ZNF510: variants seen among roughly 807,000 people sequenced by gnomAD.
ZNF510 encodes zinc finger protein 510.
ZNF510 carries 15 observed loss-of-function variants against 18.1 expected under a neutral mutation model. That is an observed-to-expected ratio of 0.83 (90% CI 0.55 to 1.28). The LOEUF is 1.28. Among genes scored for constraint, ZNF510 ranks in the 50% most tolerant of loss-of-function variants. The pLI, the probability that ZNF510 is intolerant of heterozygous loss-of-function variation, is 0.00. For synonymous variants in ZNF510, 261 were observed against 266.4 expected, an observed-to-expected ratio of 0.98 and a Z score of 0.20; for missense variants, 724 against 791.8, an observed-to-expected ratio of 0.91 and a Z score of 1.03.
In ZNF510 at chr9:96,756,824, A is replaced by G. The variant is rs1849204915; in HGVS notation, c.*1954T>C. The G allele has an allele frequency of 6.6e-6, 1 of 152,224 alleles. No homozygotes were observed. Among genetic ancestry groups the G allele is most frequent in the Non-Finnish European group, 1.5e-5 (1 of 68,072 alleles). The allele number at this position is 152,224 out of a possible 1,614,324, so 9.4% of individuals were successfully genotyped here. A position where few individuals can be genotyped will look rare whatever the true frequency, so the allele number is the denominator to read the frequency against. ...TTCAACCCACAAAATCACCAGTCAC[A>G]GAGAGAGACTTGAAGCCCAAAATGA... On this transcript the variant is annotated 3_prime_UTR_variant, in exon 6 of 6. Coordinates refer to ENST00000223428, the MANE Select transcript of ZNF510 (RefSeq NM_014930.3).
In ZNF510 at chr9:96,760,341, A is replaced by G. The variant is rs754423272; in HGVS notation, c.489T>C (p.His163=). ...EKVLGKPFTL[H]VAAVASTKMS... ...TTTTTGTTGAAGCAACAGCAGCTACATGCAGAGTAAATGGTTTCCCCAAAA... is the reference window on the plus strand; with the variant it reads ...TTTTTGTTGAAGCAACAGCAGCTACGTGCAGAGTAAATGGTTTCCCCAAAA... Residue 163 remains histidine, a synonymous_variant, in exon 6 of 6, where the codon CAT becomes CAC. Transcript: ENST00000223428. The G allele has an allele frequency of 1.2e-6, 2 of 1,613,914 alleles. No individual in the cohort carries two copies. Among genetic ancestry groups the G allele is most frequent in the Non-Finnish European group, 1.7e-6 (2 of 1,179,880 alleles).
intron 4 of ZNF510, 32 bp downstream of exon 4, chr9:96,763,474 G>A (rs1228658442): frequency 1.3e-6 from 2 of 1,575,198 alleles, no homozygotes; most frequent in South Asian, 1.2e-5. Context: ...TCTATATGGA[G>A]TTACAAGGGT....
In ZNF510 at chr9:96,758,548, A is replaced by T; in HGVS notation, c.*230T>A. 2.0e-6 allele frequency: 1 copy of T among 500,978 alleles called. No homozygotes were observed. Among genetic ancestry groups the T allele is most frequent in the African/African-American group, 1.9e-5 (1 of 51,954 alleles). 31.0% of individuals were successfully genotyped at this position (500,978 alleles called of 1,614,324 possible). ...TCAGGCCTATCCATAGTACTCTGAA[A>T]ACAGAAGCCTGTCTGAATTCTTTGA... On this transcript the variant is annotated 3_prime_UTR_variant, in exon 6 of 6. Coordinates refer to ENST00000223428, the MANE Select transcript of ZNF510 (RefSeq NM_014930.3).
chr9:96,764,842 C>T (rs573259106), intron 3 of ZNF510, among the ~76,000 whole-genome samples: 3 of 152,104 alleles, frequency 2.0e-5, no homozygotes, highest in East Asian at 1.9e-4. Flanking sequence ...GGGCCGGGTG[C>T]GGTGGCTCAT....
chr9:96,775,659 A>C lies in ZNF510; in HGVS notation c.70+341T>G, dbSNP rs78898167. The stretch of plus-strand genomic sequence containing the variant: ...GCTCTGTCCTGAGTGACCATGGACA[A>C]ACTGTTCATCCTAGGTTCAATACTT... On this transcript the variant is annotated intron_variant, in intron 2 of 5. Transcript: ENST00000223428. 9.2e-3 allele frequency among the ~76,000 whole-genome samples: 1,397 copies of C among 152,290 alleles called. 49 individuals are homozygous for C. In the East Asian group the frequency reaches 0.1, roughly 11 times the overall value.
At chr9:96,777,324 T>TGCA (rs1849723257) in intron 1 of ZNF510, among the ~76,000 whole-genome samples, 1 of 152,230 alleles carries the variant, frequency 6.6e-6, no homozygotes, top group Non-Finnish European at 1.5e-5. Flanking sequence ...GTTAGGTAGG[T>TGCA]AGGCCATTAC....
chr9:96,764,703 G>A (rs1849430353), intron 3 of ZNF510, among the ~76,000 whole-genome samples: 1 of 152,094 alleles, frequency 6.6e-6, no homozygotes, highest in African/African-American at 2.4e-5. Context: ...TAGGGATTAT[G>A]GAGATTGAAA....
At chr9:96,774,598 T>C (rs1849649719) in intron 3 of ZNF510, among the ~76,000 whole-genome samples, 190 bp downstream of exon 3, 1 of 152,116 alleles carries the variant, frequency 6.6e-6, no homozygotes, top group Admixed American at 6.5e-5. Flanking sequence ...AAAACTGCAG[T>C]TCCATTTTGG....
intron 1 of ZNF510, among the ~76,000 whole-genome samples, chr9:96,777,396 G>C (rs1323157447): frequency 6.6e-6 from 1 of 152,142 alleles, no homozygotes; most frequent in East Asian, 1.9e-4. Context: ...CTCATCCTTT[G>C]TGAGCTTGGC....
At chr9:96,769,305 T>C (rs1302773423) in intron 3 of ZNF510, among the ~76,000 whole-genome samples, 2 of 151,808 alleles carry the variant, frequency 1.3e-5, no homozygotes, top group African/African-American at 4.8e-5. Context: ...GGCATTGTGG[T>C]GCATGCCTGT....
Position 96,776,263 on chromosome 9 carries a change from G to T in ZNF510, c.-176-18C>A. ...CCTCCTTCCTGCAACATAAAGAGCT[G>T]CTTTGCTCCAGAGAAGCTGGGGCTG... is the stretch of plus-strand genomic sequence containing the variant. On this transcript the variant is annotated intron_variant, in intron 1 of 5. Transcript: ENST00000223428. 1 of 1,118,670 alleles carries T rather than the reference G, an allele frequency of 8.9e-7. No homozygotes were observed. Among genetic ancestry groups the T allele is most frequent in the Non-Finnish European group, 1.2e-6 (1 of 835,108 alleles). 69.3% of individuals were successfully genotyped at this position (1,118,670 alleles called of 1,614,324 possible). A position where few individuals can be genotyped will look rare whatever the true frequency, so the allele number is the denominator to read the frequency against.
At chr9:96,774,063 T>C (rs558707818) in intron 3 of ZNF510, among the ~76,000 whole-genome samples, 1 of 152,382 alleles carries the variant, frequency 6.6e-6, no homozygotes, top group South Asian at 2.1e-4. Context: ...TCTCTTATTA[T>C]TCCCTAAGAG....
intron 3 of ZNF510, among the ~76,000 whole-genome samples, chr9:96,765,813 T>G (rs1371252170): frequency 6.6e-6 from 1 of 152,178 alleles, no homozygotes; most frequent in Non-Finnish European, 1.5e-5. Flanking sequence ...GCCTGGCCGA[T>G]GATTTCACTT....
At position 96,763,519 on chromosome 9, in the gene ZNF510, G is replaced by A. The variant is rs1301952408; in HGVS notation, c.243C>T (p.Asn81=). ...YRDVMLENYS[N]LVSVGYCCFK... Reference sequence around the variant, plus strand: ...TTACATGCTTACCCACTGAGACGAGGTTGCTGTAGTTCTCCAGCATCACAT... The same window carrying A: ...TTACATGCTTACCCACTGAGACGAGATTGCTGTAGTTCTCCAGCATCACAT... Residue 81 remains asparagine, a synonymous_variant, in exon 4 of 6, where the codon AAC becomes AAT. Transcript: ENST00000223428. 3 of 1,607,450 alleles carry A rather than the reference G, an allele frequency of 1.9e-6. No individual in the cohort carries two copies. In the South Asian group the frequency reaches 3.3e-5, roughly 18 times the overall value.
At position 96,759,105 on chromosome 9, in the gene ZNF510, G is replaced by C. The variant is rs756692638; in HGVS notation, c.1725C>G (p.Asn575Lys). The C allele has an allele frequency of 1.2e-6, 2 of 1,613,642 alleles. No individual in the cohort carries two copies. The highest frequency in any genetic ancestry group is 3.3e-5 in the Admixed American group (2 of 59,956). The change falls in exon 6 of 6, where the codon AAC (asparagine) becomes AAG (lysine). Residue 575 changes from asparagine to lysine, a missense_variant. Transcript: ENST00000223428. Reference sequence around the variant, plus strand: ...TCCGGGCAAAAGTTTTCCCACATTCGTTACATTTGAATGGTTTCTCTCCCG... The same window carrying C: ...TCCGGGCAAAAGTTTTCCCACATTCCTTACATTTGAATGGTTTCTCTCCCG... The part of the protein sequence containing the change: ...THTGEKPFKC[N>K]ECGKTFARTS...
At chr9:96,772,386 A>G (rs1364846300) in intron 3 of ZNF510, among the ~76,000 whole-genome samples, 3 of 152,170 alleles carry the variant, frequency 2.0e-5, no homozygotes, top group Non-Finnish European at 4.4e-5. Context: ...TAAAGAAAAG[A>G]CGATCTGACC....
Position 96,760,339 on chromosome 9 carries a change from A to T in ZNF510, c.491T>A (p.Val164Glu). 6.2e-7 allele frequency: 1 copy of T among 1,613,894 alleles called. No homozygotes were observed. The highest frequency in any genetic ancestry group is 1.1e-5 in the South Asian group (1 of 91,072). ...KVLGKPFTLH[V>E]AAVASTKMSC... ...CATTTTTGTTGAAGCAACAGCAGCT[A>T]CATGCAGAGTAAATGGTTTCCCCAA... The change falls in exon 6 of 6, where the codon GTA (valine) becomes GAA (glutamate). Residue 164 changes from valine (V) to glutamate (E), a missense_variant. By Grantham distance (121) the Val-to-Glu change is moderately radical (BLOSUM62 -2). Coordinates refer to ENST00000223428, the MANE Select transcript of ZNF510 (RefSeq NM_014930.3).
intron 3 of ZNF510, among the ~76,000 whole-genome samples, chr9:96,774,546 TA>T (rs549370354): frequency 5.9e-5 from 9 of 152,066 alleles, no homozygotes; most frequent in Admixed American, 5.9e-4. Context: ...GTAAAAAAAA[TA>T]CTGTCTGTCT....
chr9:96,764,995 C>G (rs1849437322), intron 3 of ZNF510, among the ~76,000 whole-genome samples: 1 of 150,072 alleles, frequency 6.7e-6, no homozygotes, highest in African/African-American at 2.5e-5. Flanking sequence ...TGCCTGTAAT[C>G]CTAGCTACTC....
Sources: gnomAD v4.1 joint callset for allele counts (sites outside exome capture counted in the v4.1 genomes callset) on GRCh38, gnomAD v4.1.1 for gene constraint, MANE v1.5 for transcripts, NCBI Gene and HGNC (gene_info 2026-07-23, HGNC 2026-07-21) for gene names.